The following MORC1 variants were observed in gnomAD, a reference collection of about 807,000 sequenced individuals.
MORC1 encodes the protein MORC family CW-type zinc finger 1, also known as MORC family CW-type zinc finger protein 1.
In MORC1, 59 loss-of-function variants were observed where a neutral mutation model predicts 134.9. That is an observed-to-expected ratio of 0.44 (90% CI 0.35 to 0.54). MORC1 has a LOEUF of 0.54. Among genes scored for constraint, MORC1 ranks in the 20% least tolerant of loss-of-function variants. The pLI is 0.00. For missense variants in MORC1, 947 were observed against 1,134.5 expected (o/e 0.83, Z 2.37); for synonymous variants, 395 against 391.7 (o/e 1.01, Z -0.10).
rs1045891309 is a variant in MORC1, at chr3:109,093,520, T to C, written c.605A>G (p.Asn202Ser). Residue 202 changes from asparagine to serine, a missense_variant, in exon 8 of 28, where the codon AAC (asparagine) becomes AGC (serine). Coordinates refer to ENST00000232603, the MANE Select transcript of MORC1 (RefSeq NM_014429.4). ...GKCGTLLVIY[N>S]LKLLLNGEPE... ...TTCTCCATTAAGCAGAAGCTTCAAG[T>C]TATAAATAACCAGCAAAGTACCTGG... is the stretch of plus-strand genomic sequence containing the variant. 29 of 1,613,504 alleles carry C rather than the reference T, an allele frequency of 1.8e-5. No individual in the cohort carries two copies. Among genetic ancestry groups the C allele is most frequent in the Non-Finnish European group, 2.4e-5 (28 of 1,179,504 alleles).
At chr3:109,083,226 A>G (rs920494131) in intron 8 of MORC1, among the ~76,000 whole-genome samples, 1 of 152,168 alleles carries the variant, frequency 6.6e-6, no homozygotes, top group African/African-American at 2.4e-5. Context: ...TTCCTAGACA[A>G]ACAAAATTCA....
At chr3:109,088,701 C>T (rs1185481301) in intron 8 of MORC1, among the ~76,000 whole-genome samples, 1 of 152,084 alleles carries the variant, frequency 6.6e-6, no homozygotes, top group Non-Finnish European at 1.5e-5. Flanking sequence ...CCCAGGAACC[C>T]CATTACTGGG....
intron 8 of MORC1, among the ~76,000 whole-genome samples, chr3:109,083,112 T>C (rs1313548800): frequency 6.6e-6 from 1 of 152,100 alleles, no homozygotes; most frequent in Non-Finnish European, 1.5e-5. Context: ...TACAGGACAG[T>C]AGACAGTGAA....
Position 109,032,756 on chromosome 3 carries a change from CA to C in MORC1, c.1528del (p.Trp510GlyfsTer17), listed in dbSNP as rs1949268851. 6.2e-7 allele frequency: 1 copy of C among 1,607,704 alleles called. No homozygotes were observed. The highest frequency in any genetic ancestry group is 1.7e-5 in the Admixed American group (1 of 59,544). On this transcript the variant is annotated frameshift_variant, in exon 16 of 28. Transcript: ENST00000232603. LOFTEE classifies it high-confidence loss of function. Reference protein sequence around the residue: ...NYQEKEFFDIWICANNPNRLE... With the variant: ...NYQEKEFFDIXICANNPNRLE... ...GCGGTTGGGATTATTAGCACAAATCCAAATGTCAAAAAATTCTTTTTCCTGA... is the reference window on the plus strand; with the variant it reads ...GCGGTTGGGATTATTAGCACAAATCCAATGTCAAAAAATTCTTTTTCCTGA...
intron 14 of MORC1, among the ~76,000 whole-genome samples, chr3:109,053,323 A>G (rs1949874128): frequency 6.6e-6 from 1 of 152,168 alleles, no homozygotes; most frequent in Admixed American, 6.5e-5. Flanking sequence ...ATGCACCCAC[A>G]TGTATGTTCA....
chr3:109,090,511 T>G (rs1276207371), intron 8 of MORC1, among the ~76,000 whole-genome samples: 1 of 150,786 alleles, frequency 6.6e-6, no homozygotes, highest in Non-Finnish European at 1.5e-5. Flanking sequence ...TCCCAGCTAC[T>G]TGGGAGGCTG....
intron 24 of MORC1, among the ~76,000 whole-genome samples, chr3:108,972,719 A>T (rs1408792170): frequency 1.3e-5 from 2 of 152,196 alleles, no homozygotes; most frequent in Non-Finnish European, 2.9e-5. Context: ...AGGAGGGGTG[A>T]GAGACCTTTT....
intron 7 of MORC1, among the ~76,000 whole-genome samples, chr3:109,094,464 A>G (rs1950790266): frequency 6.6e-6 from 1 of 152,226 alleles, no homozygotes; most frequent in African/African-American, 2.4e-5. Flanking sequence ...AATGGGGAAA[A>G]GATCTGTTAA....
At chr3:109,034,192 C>A (rs935541451) in intron 15 of MORC1, among the ~76,000 whole-genome samples, 1 of 152,186 alleles carries the variant, frequency 6.6e-6, no homozygotes, top group Non-Finnish European at 1.5e-5. Context: ...GCTGCCAGAA[C>A]AACTTTAACT....
At position 109,000,625 on chromosome 3, in the gene MORC1, G is replaced by T; in HGVS notation, c.2119C>A (p.Leu707Met). 1.2e-6 allele frequency: 2 copies of T among 1,610,908 alleles called. No individual in the cohort carries two copies. The highest frequency in any genetic ancestry group is 1.7e-6 in the Non-Finnish European group (2 of 1,178,912). The change falls in exon 21 of 28, where the codon CTG becomes ATG. Residue 707 changes from leucine (L) to methionine (M), a missense_variant. Physicochemically the swap from Leu to Met is conservative, Grantham distance 15. This residue lies in a region of MORC1 where 722 missense variants were observed against 817.0 expected (regional missense o/e 0.88). Coordinates refer to ENST00000232603, the MANE Select transcript of MORC1 (RefSeq NM_014429.4). The stretch of plus-strand genomic sequence containing the variant: ...ACCTTACATTCCTCTACAAAGTTCA[G>T]ACTCTGCTTCCTTTTCATTTCCCAA... ...ASWEMKRKQS[L>M]NFVEECKVLT...
intron 23 of MORC1, among the ~76,000 whole-genome samples, chr3:108,980,796 A>G (rs1037383153): frequency 6.6e-6 from 1 of 152,196 alleles, no homozygotes; most frequent in African/African-American, 2.4e-5. Context: ...TGAGAGAAAT[A>G]CTTAGTCATG....
intron 8 of MORC1, among the ~76,000 whole-genome samples, chr3:109,083,738 G>T (rs1335470505): frequency 1.3e-5 from 2 of 152,100 alleles, no homozygotes; most frequent in Admixed American, 6.6e-5. Context: ...TGTCACTGAC[G>T]AACACAGATG....
intron 25 of MORC1, 47 bp from the exon 26 acceptor site, chr3:108,969,769 TGTGCTGTCTACAGCAGA>T (rs1319356160): frequency 6.4e-7 from 1 of 1,564,714 alleles, no homozygotes; most frequent in Admixed American, 1.7e-5. Context: ...TTTTAGAGAA[TGTGCTGTCTACAGCAGA>T]GTTATATCAC....
intron 9 of MORC1, among the ~76,000 whole-genome samples, chr3:109,069,030 C>T (rs968927056): frequency 1.3e-5 from 2 of 149,104 alleles, no homozygotes; most frequent in Non-Finnish European, 3.0e-5. Context: ...GTGGTGCACG[C>T]CTGTAATCCC....
intron 4 of MORC1, among the ~76,000 whole-genome samples, chr3:109,103,144 T>C (rs1314603722): frequency 6.6e-6 from 1 of 152,204 alleles, no homozygotes; most frequent in Non-Finnish European, 1.5e-5. Flanking sequence ...CTCACCATTT[T>C]TTAAATCTAG....
intron 20 of MORC1, among the ~76,000 whole-genome samples, chr3:109,002,763 A>T (rs1183046092): frequency 6.6e-6 from 1 of 152,122 alleles, no homozygotes; most frequent in African/African-American, 2.4e-5. Flanking sequence ...TGGTCATGTC[A>T]CTTCCCTGCT....
At chr3:108,962,673 G>T (rs1947112255) in intron 27 of MORC1, among the ~76,000 whole-genome samples, 1 of 152,102 alleles carries the variant, frequency 6.6e-6, no homozygotes, top group African/African-American at 2.4e-5. Context: ...TTTATTTCTA[G>T]AATCCACAGG....
In MORC1 at chr3:108,958,936, A is replaced by AT. The variant is rs751247747; in HGVS notation, c.*28dup. 1.4e-6 allele frequency: 2 copies of AT among 1,396,962 alleles called. No individual in the cohort carries two copies. Among genetic ancestry groups the AT allele is most frequent in the Admixed American group, 2.9e-5 (1 of 34,814 alleles). The allele number at this position is 1,396,962 out of a possible 1,614,324, so 86.5% of individuals were successfully genotyped here. ...AGAATCTTCCAATTTTCTTATTAGC[A>AT]TTTTTTAAAAGGTAATACCATCTCT... On this transcript the variant is annotated 3_prime_UTR_variant, in exon 28 of 28. Transcript: ENST00000232603.
chr3:109,013,258 G>A (rs1024497823), intron 17 of MORC1, among the ~76,000 whole-genome samples: 4 of 151,990 alleles, frequency 2.6e-5, no homozygotes, highest in Admixed American at 1.3e-4. Flanking sequence ...CTGTTTAGAT[G>A]CTACACTAGT....
Sources: allele counts gnomAD v4.1 joint callset (sites outside exome capture counted in the v4.1 genomes callset), GRCh38; gene constraint gnomAD v4.1.1; regional missense constraint gnomAD v4.1.1; transcripts MANE v1.5; gene names NCBI Gene and HGNC (gene_info 2026-07-23, HGNC 2026-07-21).